The following STIL variants were observed in gnomAD, a reference collection of about 807,000 sequenced individuals.
The protein encoded by STIL is STIL centriolar assembly protein.
STIL carries 55 observed loss-of-function variants against 110.1 expected under a neutral mutation model. The ratio of observed to expected loss-of-function variants is 0.50; its 90% CI spans 0.40 to 0.63. STIL has a LOEUF of 0.63. STIL is among the 20% of genes least tolerant of loss of function. The probability of loss-of-function intolerance (pLI) is 0.00; values close to 1 mark genes in which losing one functional copy is unlikely to be tolerated. For missense variants in STIL, 1,358 were observed against 1,530.0 expected, an observed-to-expected ratio of 0.89 and a Z score of 1.87; for synonymous variants, 481 against 530.0, an observed-to-expected ratio of 0.91 and a Z score of 1.27.
At chr1:47,294,469 G>A (rs977411715) in intron 7 of STIL, among the ~76,000 whole-genome samples, 5 of 152,150 alleles carry the variant, frequency 3.3e-5, no homozygotes, top group African/African-American at 9.7e-5. Flanking sequence ...CAGATGGCTT[G>A]AGCCCAGGAG....
chr1:47,277,754 A>G (rs1431048540), intron 12 of STIL, among the ~76,000 whole-genome samples: 1 of 152,190 alleles, frequency 6.6e-6, no homozygotes, highest in South Asian at 2.1e-4. Flanking sequence ...AGCACTAACT[A>G]TATGTCAGCA....
chr1:47,298,041 C>T (rs11587107), intron 6 of STIL, among the ~76,000 whole-genome samples: 41,196 of 152,048 alleles, frequency 0.27, 5,860 homozygotes, highest in Non-Finnish European at 0.32. Flanking sequence ...ACAATTTTTG[C>T]TCACTTTTGA....
At chr1:47,272,273 C>G (rs777409446) in intron 12 of STIL, 32 bp from the exon 13 acceptor site, 3 of 1,612,892 alleles carry the variant, frequency 1.9e-6, no homozygotes, top group Non-Finnish European at 2.5e-6. Context: ...TTTAAACTGA[C>G]AGGGAAGTAA....
At chr1:47,277,388 T>A (rs910874276) in intron 12 of STIL, among the ~76,000 whole-genome samples, 1 of 152,146 alleles carries the variant, frequency 6.6e-6, no homozygotes, top group African/African-American at 2.4e-5. Context: ...CATTTGGATT[T>A]TATTCTAATT....
In STIL at chr1:47,251,934, A is replaced by G. The variant is rs780523523; in HGVS notation, c.3081-12T>C. The stretch of plus-strand genomic sequence containing the variant: ...TGCATGCCAACACACTGAAAGACAC[A>G]AAGTAGTAAGCCATCATTTACCATA... On this transcript the variant is annotated splice_polypyrimidine_tract_variant and intron_variant, in intron 16 of 16. Coordinates refer to ENST00000371877, the MANE Select transcript of STIL (RefSeq NM_001048166.1). 1 of 1,609,666 alleles carries G rather than the reference A, an allele frequency of 6.2e-7. No homozygotes were observed. The highest frequency in any genetic ancestry group is 1.3e-5 in the African/African-American group (1 of 74,906).
rs559898929 is a variant in STIL at position 47,281,018 on chromosome 1, A to T, written c.1440T>A (p.Ala480=). Residue 480 remains alanine, a synonymous_variant, in exon 12 of 17, where the codon GCT becomes GCA. Transcript: ENST00000371877. The stretch of plus-strand genomic sequence containing the variant: ...GTATTCCTCTCAAGGAAGGCTCTCC[A>T]GCTTCAACTTCTGGACTGTGTTTCT... ...YDEKHSPEVE[A]GEPSLRGIPN... is the part of the protein sequence containing the mutation. 8.1e-6 allele frequency: 13 copies of T among 1,614,154 alleles called. No individual in the cohort carries two copies. The highest frequency in any genetic ancestry group is 1.7e-5 in the Admixed American group (1 of 60,020).
intron 2 of STIL, among the ~76,000 whole-genome samples, chr1:47,309,123 T>A (rs1020605297): frequency 3.3e-5 from 5 of 152,050 alleles, no homozygotes; most frequent in African/African-American, 1.2e-4. Flanking sequence ...GATAAATGCT[T>A]AAGGGGATGG....
chr1:47,266,622 A>G (rs1023476418), intron 14 of STIL, among the ~76,000 whole-genome samples: 11 of 152,340 alleles, frequency 7.2e-5, no homozygotes, highest in African/African-American at 2.2e-4. Context: ...TTCATGTGCT[A>G]TTATCCTGGG....
rs754422567 is a variant in STIL, at chr1:47,251,463, A to C, written c.3540T>G (p.Asn1180Lys). Residue 1180 changes from asparagine to lysine, a missense_variant, in exon 17 of 17, where the codon AAT becomes AAG. Coordinates refer to ENST00000371877, the MANE Select transcript of STIL (RefSeq NM_001048166.1). ...TCCCCACAGATTCACAGTTAGAACA[A>C]TTAATTATTTCATGGTCATTCTTAG... ...EPSKNDHEII[N>K]CSNCESVGTN... The C allele has an allele frequency of 1.9e-6, 3 of 1,614,234 alleles. No individual in the cohort carries two copies. Among genetic ancestry groups the C allele is most frequent in the Admixed American group, 3.3e-5 (2 of 60,030 alleles).
intron 6 of STIL, among the ~76,000 whole-genome samples, chr1:47,297,233 T>C (rs1427726174): frequency 6.6e-6 from 1 of 152,020 alleles, no homozygotes; most frequent in Non-Finnish European, 1.5e-5. Flanking sequence ...TCCCAGCTAC[T>C]TGGGAGGCTG....
intron 15 of STIL, among the ~76,000 whole-genome samples, chr1:47,261,575 G>T (rs1277351530): frequency 7.0e-6 from 1 of 143,126 alleles, no homozygotes; most frequent in Non-Finnish European, 1.5e-5. Flanking sequence ...CCCCATCTCT[G>T]CTAAAAATAC....
intron 14 of STIL, among the ~76,000 whole-genome samples, chr1:47,265,918 C>G (rs1280136755): frequency 1.3e-5 from 2 of 152,086 alleles, no homozygotes; most frequent in Non-Finnish European, 2.9e-5. Flanking sequence ...TCCCGAACAG[C>G]TGGGACCAAG....
At chr1:47,288,145 T>C (rs1286595796) in intron 9 of STIL, among the ~76,000 whole-genome samples, 1 of 149,970 alleles carries the variant, frequency 6.7e-6, no homozygotes, top group Non-Finnish European at 1.5e-5. Context: ...CTAAATACGA[T>C]CTGAGTGGAC....
At chr1:47,303,368 C>T (rs1442729521) in intron 3 of STIL, among the ~76,000 whole-genome samples, 1 of 151,494 alleles carries the variant, frequency 6.6e-6, no homozygotes, top group East Asian at 1.9e-4. Context: ...AGTTCGTGAC[C>T]AGCCTGACTA....
In STIL at chr1:47,302,176, C is replaced by T; in HGVS notation, c.265+58G>A. 2.3e-6 allele frequency: 3 copies of T among 1,280,118 alleles called. No homozygotes were observed. In the South Asian group the frequency reaches 3.6e-5, roughly 15 times the overall value. 79.3% of individuals were successfully genotyped at this position (1,280,118 alleles called of 1,614,324 possible). A position where few individuals can be genotyped will look rare whatever the true frequency, so the allele number is the denominator to read the frequency against. Reference sequence around the variant, plus strand: ...GTTCAAGTGATCCTCCCACTCCAGCCTCCCAACGTGCTGGGATTACAGGCG... The same window carrying T: ...GTTCAAGTGATCCTCCCACTCCAGCTTCCCAACGTGCTGGGATTACAGGCG... On this transcript the variant is annotated intron_variant, in intron 4 of 16. Coordinates refer to ENST00000371877, the MANE Select transcript of STIL (RefSeq NM_001048166.1).
rs866398207 is a variant in STIL, at chr1:47,304,924, A to C, written c.117T>G (p.Thr39=). The change falls in exon 3 of 17, where the codon ACT becomes ACG. Residue 39 remains threonine (T), a synonymous_variant. Transcript: ENST00000371877. ...TGAGATGTAAGTAGATGAAATCTCC[A>C]GTTGGCGTTGGGTTCCAAAGTGCAC... ...SKCALWNPTP[T]GDFIYLHLSY... is the part of the protein sequence containing the mutation. 2 of 1,614,000 alleles carry C rather than the reference A, an allele frequency of 1.2e-6. No individual in the cohort carries two copies. Among genetic ancestry groups the C allele is most frequent in the African/African-American group, 2.7e-5 (2 of 75,066 alleles).
chr1:47,297,970 C>T (rs947697364), intron 6 of STIL, among the ~76,000 whole-genome samples: 1 of 151,900 alleles, frequency 6.6e-6, no homozygotes, highest in Non-Finnish European at 1.5e-5. Flanking sequence ...ACAAAAAATC[C>T]CATGCTCCAC....
intron 4 of STIL, among the ~76,000 whole-genome samples, 161 bp from the exon 5 acceptor site, chr1:47,301,909 C>T (rs1211052306): frequency 1.3e-5 from 2 of 152,140 alleles, no homozygotes; most frequent in Non-Finnish European, 2.9e-5. Context: ...CTCTTATAAG[C>T]GTATACTAAA....
At chr1:47,287,444 A>T in intron 10 of STIL, 107 bp downstream of exon 10, 2 of 741,736 alleles carry the variant, frequency 2.7e-6, no homozygotes, top group Non-Finnish European at 4.4e-6. Flanking sequence ...GGTACATAAG[A>T]TTTAAAAAAT....
Sources: allele counts gnomAD v4.1 joint callset (sites outside exome capture counted in the v4.1 genomes callset), GRCh38; gene constraint gnomAD v4.1.1; transcripts MANE v1.5; gene names NCBI Gene and HGNC (gene_info 2026-07-23, HGNC 2026-07-21).